CTNNA3: variants seen among roughly 807,000 people sequenced by gnomAD.
The protein encoded by CTNNA3 is catenin alpha 3.
A neutral mutation model predicts 95.7 loss-of-function variants in CTNNA3; 76 were observed. The observed-to-expected ratio is 0.79, with a 90% confidence interval of 0.66 to 0.96. The LOEUF is 0.96. Ranked by LOEUF, CTNNA3 falls within the 40% of genes least tolerant of loss-of-function variation. The pLI, the probability that CTNNA3 is intolerant of heterozygous loss-of-function variation, is 0.00. For synonymous variants in CTNNA3, 431 were observed against 374.4 expected (o/e 1.15, Z -1.74); for missense variants, 1,191 against 1,089.8 (o/e 1.09, Z -1.31).
chr10:67,478,205 T>C (rs539204737), intron 5 of CTNNA3, among the ~76,000 whole-genome samples: 1 of 152,276 alleles, frequency 6.6e-6, no homozygotes, highest in African/African-American at 2.4e-5. Flanking sequence ...ACCAAAACCA[T>C]GAATTATCAA....
intron 13 of CTNNA3, among the ~76,000 whole-genome samples, chr10:66,254,405 G>A (rs969169728): frequency 1.3e-5 from 2 of 152,104 alleles, no homozygotes; most frequent in Admixed American, 6.5e-5. Context: ...ATCTATAAAT[G>A]TAATCATTCC....
chr10:66,278,544 G>GGACCACT (rs1410530903), intron 13 of CTNNA3, among the ~76,000 whole-genome samples: 7 of 152,122 alleles, frequency 4.6e-5, no homozygotes, highest in East Asian at 3.9e-4. Context: ...GCCCTACAGA[G>GGACCACT]GACCACTGTA....
At chr10:67,717,511 G>A (rs192524318) in intron 1 of CTNNA3, among the ~76,000 whole-genome samples, 2,544 of 152,248 alleles carry the variant, frequency 0.017, 64 homozygotes, top group Non-Finnish European at 0.018. Context: ...GTAAGGACAA[G>A]GTCCAGTTTC....
At chr10:66,893,736 A>G (rs1845364247) in intron 7 of CTNNA3, among the ~76,000 whole-genome samples, 1 of 152,152 alleles carries the variant, frequency 6.6e-6, no homozygotes, top group Admixed American at 6.5e-5. Context: ...GAATCTTTTC[A>G]GTACTGAATG....
At chr10:66,360,212 ACT>A (rs2132420589) in intron 12 of CTNNA3, among the ~76,000 whole-genome samples, 1 of 151,322 alleles carries the variant, frequency 6.6e-6, no homozygotes, top group South Asian at 2.1e-4. Context: ...TTTTTTTTAA[ACT>A]CAGTCAATTT....
chr10:67,230,896 T>C (rs1865165311), intron 5 of CTNNA3, among the ~76,000 whole-genome samples: 1 of 151,986 alleles, frequency 6.6e-6, no homozygotes, highest in Non-Finnish European at 1.5e-5. Context: ...CCTTTCCTAG[T>C]CAAAGAGAGG....
At chr10:66,890,583 G>A (rs1845229101) in intron 7 of CTNNA3, among the ~76,000 whole-genome samples, 1 of 152,024 alleles carries the variant, frequency 6.6e-6, no homozygotes, top group African/African-American at 2.4e-5. Flanking sequence ...AATTTGAAGG[G>A]TGCAATGGGA....
intron 13 of CTNNA3, among the ~76,000 whole-genome samples, chr10:66,177,068 T>G (rs188873912): frequency 6.6e-6 from 1 of 152,058 alleles, no homozygotes; most frequent in Non-Finnish European, 1.5e-5. Context: ...CGTGTAACAC[T>G]CACAATGCAG....
intron 5 of CTNNA3, among the ~76,000 whole-genome samples, chr10:67,356,815 AC>A (rs967780279): frequency 1.5e-4 from 23 of 152,020 alleles, no homozygotes; most frequent in Non-Finnish European, 3.4e-4. Context: ...TGTTTAATCA[AC>A]CTGGTAAAAC....
At chr10:67,181,787 C>G (rs530997127) in intron 6 of CTNNA3, among the ~76,000 whole-genome samples, 13 of 151,960 alleles carry the variant, frequency 8.6e-5, no homozygotes, top group African/African-American at 3.1e-4. Context: ...ACTGCAGAGT[C>G]AAGCTAGGAA....
chr10:67,177,340 AC>A (rs1410842385), intron 7 of CTNNA3, among the ~76,000 whole-genome samples: 1 of 152,196 alleles, frequency 6.6e-6, no homozygotes, highest in Non-Finnish European at 1.5e-5. Context: ...TGAGCCTGAG[AC>A]AAACATAAGC....
intron 7 of CTNNA3, among the ~76,000 whole-genome samples, chr10:66,972,330 A>AT (rs1268993104): frequency 2.0e-5 from 3 of 152,056 alleles, no homozygotes; most frequent in Non-Finnish European, 2.9e-5. Context: ...CAAAGAATAC[A>AT]TTTTTTTAGA....
chr10:67,165,378 A>T (rs1432294754), intron 7 of CTNNA3, among the ~76,000 whole-genome samples: 1 of 152,004 alleles, frequency 6.6e-6, no homozygotes, highest in Non-Finnish European at 1.5e-5. Context: ...AGGGGTAGGG[A>T]GGGGCAGGTG....
intron 7 of CTNNA3, among the ~76,000 whole-genome samples, chr10:66,777,792 C>CAT (rs1840368968): frequency 8.7e-6 from 1 of 115,578 alleles, no homozygotes; most frequent in Admixed American, 8.5e-5. Flanking sequence ...CACACACACA[C>CAT]ACACATGCAC....
chr10:67,532,199 T>C (rs780514081), intron 4 of CTNNA3, among the ~76,000 whole-genome samples: 10 of 152,216 alleles, frequency 6.6e-5, no homozygotes, highest in Non-Finnish European at 1.0e-4. Context: ...CTTTTACATA[T>C]TTTGCCTAAG....
intron 16 of CTNNA3, among the ~76,000 whole-genome samples, chr10:65,973,658 G>A (rs1281570298): frequency 6.6e-6 from 1 of 152,132 alleles, no homozygotes; most frequent in Admixed American, 6.6e-5. Context: ...GCATCCACTT[G>A]GCTTTGGGGT....
intron 5 of CTNNA3, among the ~76,000 whole-genome samples, chr10:67,327,925 C>T (rs1158246915): frequency 6.6e-6 from 1 of 152,044 alleles, no homozygotes; most frequent in African/African-American, 2.4e-5. Context: ...GGTCTCTGTG[C>T]CTCGCAAGCA....
At chr10:67,316,905 CT>C (rs1841078497) in intron 5 of CTNNA3, among the ~76,000 whole-genome samples, 1 of 152,114 alleles carries the variant, frequency 6.6e-6, no homozygotes, top group African/African-American at 2.4e-5. Flanking sequence ...TAAAGGGTTT[CT>C]TTTACTTTTT....
At chr10:67,644,153 G>A (rs998390216) in intron 2 of CTNNA3, among the ~76,000 whole-genome samples, 6 of 152,166 alleles carry the variant, frequency 3.9e-5, no homozygotes, top group Non-Finnish European at 7.4e-5. Context: ...CCCACCAACA[G>A]TGTAAAAGCA....
Sources: allele counts gnomAD v4.1 joint callset (sites outside exome capture counted in the v4.1 genomes callset), GRCh38; gene constraint gnomAD v4.1.1; transcripts MANE v1.5; gene names NCBI Gene and HGNC (gene_info 2026-07-23, HGNC 2026-07-21).